Variants in SHB observed in about 807,000 individuals in gnomAD.
SHB encodes SH2 domain-containing adapter protein B.
Under a neutral mutation model 52.3 loss-of-function variants are expected in SHB, and 20 were observed. That is an observed-to-expected ratio of 0.38 (90% CI 0.27 to 0.56). The LOEUF is 0.56. Ranked by LOEUF, SHB falls within the 20% of genes least tolerant of loss-of-function variation. The pLI, the probability that SHB is intolerant of heterozygous loss-of-function variation, is 0.71. For synonymous variants in SHB, 397 were observed against 316.5 expected (o/e 1.25, Z -2.70); for missense variants, 825 against 723.3 (o/e 1.14, Z -1.61).
chr9:37,940,121 AG>A (rs1832418625), intron 5 of SHB, among the ~76,000 whole-genome samples: 1 of 152,196 alleles, frequency 6.6e-6, no homozygotes, highest in Non-Finnish European at 1.5e-5. Flanking sequence ...ATTTGAACCC[AG>A]GTCTCCTGGG....
chr9:37,923,503 G>A (rs182531947), intron 5 of SHB, among the ~76,000 whole-genome samples: 480 of 152,318 alleles, frequency 3.2e-3, no homozygotes, highest in Admixed American at 5.1e-3. Flanking sequence ...CAATGCAAGG[G>A]TCAGGTGACG....
At chr9:38,019,424 A>G (rs929042805) in intron 1 of SHB, among the ~76,000 whole-genome samples, 3 of 152,196 alleles carry the variant, frequency 2.0e-5, no homozygotes, top group Non-Finnish European at 4.4e-5. Context: ...TCCTCTCTGG[A>G]ACGCACACTG....
intron 1 of SHB, among the ~76,000 whole-genome samples, chr9:38,038,705 T>C (rs2118133105): frequency 6.6e-6 from 1 of 152,152 alleles, no homozygotes; most frequent in South Asian, 2.1e-4. Flanking sequence ...TGCAGCCCAC[T>C]CTGCTCCCTA....
chr9:38,068,397 G>T lies in SHB; in HGVS notation c.249C>A (p.Ala83=). The part of the protein sequence containing the change: ...DSGSTSDLIR[A]YRAQKERDFE... ...AGTCTCGCTCCTTCTGCGCGCGGTA[G>T]GCGCGGATGAGGTCGCTGGTGCTGC... Residue 83 remains alanine (A), a synonymous_variant, in exon 1 of 6, where the codon GCC becomes GCA. Coordinates refer to ENST00000377707, the MANE Select transcript of SHB (RefSeq NM_003028.3). 2 of 1,574,970 alleles carry T rather than the reference G, an allele frequency of 1.3e-6. No homozygotes were observed. The highest frequency in any genetic ancestry group is 1.2e-5 in the South Asian group (1 of 86,180).
At chr9:38,030,314 G>A (rs970525899) in intron 1 of SHB, among the ~76,000 whole-genome samples, 4 of 152,156 alleles carry the variant, frequency 2.6e-5, no homozygotes, top group East Asian at 1.9e-4. Context: ...CTCTGTAGAC[G>A]ACACAGCAAA....
intron 1 of SHB, among the ~76,000 whole-genome samples, chr9:38,054,408 C>T (rs1487631713): frequency 2.0e-5 from 3 of 152,264 alleles, no homozygotes; most frequent in Non-Finnish European, 4.4e-5. Flanking sequence ...CCAAATCCAC[C>T]TGGGAATCTG....
intron 4 of SHB, 90 bp downstream of exon 4, chr9:37,955,793 T>C: frequency 7.7e-7 from 1 of 1,299,428 alleles, no homozygotes; most frequent in Middle Eastern, 1.9e-4. Context: ...CGGCCCAGTC[T>C]GTGGATTTTT....
intron 3 of SHB, among the ~76,000 whole-genome samples, chr9:37,971,730 C>T (rs1385228227): frequency 6.6e-6 from 1 of 152,180 alleles, no homozygotes; most frequent in Non-Finnish European, 1.5e-5. Flanking sequence ...GGCAACTCTG[C>T]CACACAAAAC....
At chr9:37,946,189 G>A (rs1187057470) in intron 5 of SHB, among the ~76,000 whole-genome samples, 3 of 152,222 alleles carry the variant, frequency 2.0e-5, no homozygotes, top group Non-Finnish European at 2.9e-5. Flanking sequence ...GGCCAGGCAC[G>A]AGGCCCGTCC....
chr9:37,931,344 A>G (rs956052890), intron 5 of SHB, among the ~76,000 whole-genome samples: 1 of 152,234 alleles, frequency 6.6e-6, no homozygotes, highest in African/African-American at 2.4e-5. Context: ...TGCATCTGAT[A>G]AAGGGTTAAC....
At chr9:38,048,771 G>A (rs1394643262) in intron 1 of SHB, among the ~76,000 whole-genome samples, 2 of 152,130 alleles carry the variant, frequency 1.3e-5, no homozygotes, top group Non-Finnish European at 2.9e-5. Flanking sequence ...TAGGCCACAC[G>A]TTAGCCACTT....
rs117856640 is a variant in SHB, at chr9:38,062,283, T to C, written c.717+5646A>G. Among the ~76,000 whole-genome samples the C allele has an allele frequency of 9.3e-3, 1,416 of 152,310 alleles. 11 individuals carry two copies. The highest frequency in any genetic ancestry group is 0.02 in the Middle Eastern group (6 of 294). On this transcript the variant is annotated intron_variant, in intron 1 of 5. Transcript: ENST00000377707. The stretch of plus-strand genomic sequence containing the variant: ...TGTGACATTAGGCAAGTCATCAACC[T>C]CTCTAAGCCTCAGTTTCTTTATCCG...
chr9:37,983,551 A>G (rs1318326801), intron 2 of SHB, among the ~76,000 whole-genome samples: 1 of 152,060 alleles, frequency 6.6e-6, no homozygotes, highest in Admixed American at 6.5e-5. Context: ...GAAATGATAG[A>G]CGCTGGCCTG....
intron 1 of SHB, among the ~76,000 whole-genome samples, chr9:38,044,775 A>T (rs1204667517): frequency 6.6e-6 from 1 of 152,196 alleles, no homozygotes; most frequent in Non-Finnish European, 1.5e-5. Context: ...CTCTTCAATC[A>T]ACCTCTCTGA....
chr9:38,040,938 G>T (rs901187179), intron 1 of SHB, among the ~76,000 whole-genome samples: 5 of 151,952 alleles, frequency 3.3e-5, no homozygotes, highest in African/African-American at 1.2e-4. Flanking sequence ...CCACACTGGG[G>T]ACACGTGGCA....
chr9:38,024,055 T>A (rs1403347705), intron 1 of SHB, among the ~76,000 whole-genome samples: 1 of 151,966 alleles, frequency 6.6e-6, no homozygotes, highest in Non-Finnish European at 1.5e-5. Context: ...GGTGGGGAGG[T>A]TGGTTTTCCA....
intron 2 of SHB, among the ~76,000 whole-genome samples, chr9:38,001,944 T>G (rs557012902): frequency 6.6e-6 from 1 of 152,170 alleles, no homozygotes; most frequent in South Asian, 2.1e-4. Flanking sequence ...GTGAGTGACT[T>G]TCATCCACCC....
intron 2 of SHB, among the ~76,000 whole-genome samples, chr9:37,977,017 T>C (rs1255442360): frequency 2.0e-5 from 3 of 152,242 alleles, no homozygotes; most frequent in Non-Finnish European, 4.4e-5. Flanking sequence ...AACTTTATGC[T>C]AGTATTTCCC....
At position 38,067,896 on chromosome 9, in the gene SHB, G is replaced by A. The variant is rs898936344; in HGVS notation, c.717+33C>T. On this transcript the variant is annotated intron_variant, in intron 1 of 5. Coordinates refer to ENST00000377707, the MANE Select transcript of SHB (RefSeq NM_003028.3). Reference sequence around the variant, plus strand: ...GTTTCCCCGTGCGCACCGTGGCTCTGGAACCTCGGGAAGAGGCCAAGGGGC... The same window carrying A: ...GTTTCCCCGTGCGCACCGTGGCTCTAGAACCTCGGGAAGAGGCCAAGGGGC... 7 of 1,428,518 alleles carry A rather than the reference G, an allele frequency of 4.9e-6. 1 individual carries two copies. The highest frequency in any genetic ancestry group is 5.4e-6 in the Non-Finnish European group (6 of 1,101,498). 88.5% of individuals were successfully genotyped at this position (1,428,518 alleles called of 1,614,324 possible). A position where few individuals can be genotyped will look rare whatever the true frequency, so the allele number is the denominator to read the frequency against.
Sources: allele counts gnomAD v4.1 joint callset (sites outside exome capture counted in the v4.1 genomes callset), GRCh38; gene constraint gnomAD v4.1.1; transcripts MANE v1.5; gene names NCBI Gene and HGNC (gene_info 2026-07-23, HGNC 2026-07-21).